POLD3: variants seen among roughly 807,000 people sequenced by gnomAD.
POLD3 encodes DNA polymerase delta subunit 3.
In POLD3, 19 loss-of-function variants were observed where a neutral mutation model predicts 58.2. That is an observed-to-expected ratio of 0.33 (90% CI 0.23 to 0.48). POLD3 has a LOEUF of 0.48. Ranked by LOEUF, POLD3 falls within the 20% of genes least tolerant of loss-of-function variation. The pLI, the probability that POLD3 is intolerant of heterozygous loss-of-function variation, is 0.99. For synonymous variants in POLD3, 172 were observed against 193.5 expected, an observed-to-expected ratio of 0.89 and a Z score of 0.92; for missense variants, 504 against 545.5, an observed-to-expected ratio of 0.92 and a Z score of 0.76.
At chr11:74,636,100 A>G in intron 10 of POLD3, 97 bp from the exon 11 acceptor site, 3 of 1,087,372 alleles carry the variant, frequency 2.8e-6, no homozygotes, top group African/African-American at 1.6e-5. Flanking sequence ...ATCATAATGG[A>G]GTATTGGAGA....
At chr11:74,656,637 A>G (rs1364810029) in intron 4 of POLD3, among the ~76,000 whole-genome samples, 3 of 152,004 alleles carry the variant, frequency 2.0e-5, no homozygotes, top group Non-Finnish European at 4.4e-5. Flanking sequence ...ATTCAGGAGC[A>G]TGTAGTTTAA....
rs562967618 is a variant in POLD3 at position 74,666,902 on chromosome 11, C to T, written c.370-1875C>T. Among the ~76,000 whole-genome samples, 34 of 145,242 alleles carry T rather than the reference C, an allele frequency of 2.3e-4. No homozygotes were observed. The South Asian group carries it at 7.2e-3, about 31-fold the overall frequency. On this transcript the variant is annotated intron_variant, in intron 4 of 4. Coordinates refer to the POLD3 transcript ENST00000524752. ...ACAATAGGTATCTAGATCAGTGAAACAATTGATAGTCCAGAATTAAAACTT... is the reference window on the plus strand; with the variant it reads ...ACAATAGGTATCTAGATCAGTGAAATAATTGATAGTCCAGAATTAAAACTT...
chr11:74,665,391 ATTT>A lies in POLD3; in HGVS notation c.370-3365_370-3363del, dbSNP rs1202426924. The stretch of plus-strand genomic sequence containing the variant: ...TGACAAAATCTAGCACCCTTTTATA[ATTT>A]TTTTTTTTTTTTTTTTTTTTGAGAC... On this transcript the variant is annotated intron_variant, in intron 4 of 4. Transcript: ENST00000524752. Among the ~76,000 whole-genome samples, 87 of 83,316 alleles carry A rather than the reference ATTT, an allele frequency of 1.0e-3. 1 individual carries two copies. The highest frequency in any genetic ancestry group is 3.7e-3 in the African/African-American group (74 of 19,964). The allele number at this position is 83,316 out of a possible 152,430, so 54.7% of individuals were successfully genotyped here.
chr11:74,626,306 C>G (rs763297533), intron 8 of POLD3, among the ~76,000 whole-genome samples: 5 of 152,198 alleles, frequency 3.3e-5, no homozygotes, highest in Non-Finnish European at 5.9e-5. Flanking sequence ...GGGTACGTCA[C>G]TCACTGTTGA....
intron 4 of POLD3, among the ~76,000 whole-genome samples, chr11:74,654,197 A>G (rs940013393): frequency 2.0e-5 from 3 of 152,220 alleles, no homozygotes; most frequent in African/African-American, 7.2e-5. Flanking sequence ...CATGCTGTTT[A>G]CAGGAAAGCA....
At position 74,634,572 on chromosome 11, in the gene POLD3, C is replaced by G. The variant is rs1400473459; in HGVS notation, c.1007-11C>G. ...GTAGTTCTCTGATCTAAGTCCGTTT[C>G]ATTATTTCAGTCTTTCCAGACTCTC... On this transcript the variant is annotated splice_polypyrimidine_tract_variant and intron_variant, in intron 9 of 11. Coordinates refer to ENST00000263681, the MANE Select transcript of POLD3 (RefSeq NM_006591.3). The G allele has an allele frequency of 2.8e-6, 4 of 1,448,340 alleles. No homozygotes were observed. Among genetic ancestry groups the G allele is most frequent in the Middle Eastern group, 1.7e-4 (1 of 5,730 alleles). The allele number at this position is 1,448,340 out of a possible 1,614,324, so 89.7% of individuals were successfully genotyped here. A position where few individuals can be genotyped will look rare whatever the true frequency, so the allele number is the denominator to read the frequency against.
intron 7 of POLD3, among the ~76,000 whole-genome samples, chr11:74,621,284 T>A (rs987472142): frequency 1.3e-5 from 2 of 152,106 alleles, no homozygotes; most frequent in Non-Finnish European, 1.5e-5. Context: ...TAGATTCTTA[T>A]AGGATTGTGA....
chr11:74,638,049 G>A (rs547298200), intron 11 of POLD3, among the ~76,000 whole-genome samples: 1 of 152,220 alleles, frequency 6.6e-6, no homozygotes, highest in South Asian at 2.1e-4. Flanking sequence ...TAAGTTTGGA[G>A]TAGACTTCTG....
Position 74,653,333 on chromosome 11 carries a change from A to ACAGACACACACACACACG in POLD3, c.370-15444_370-15443insCAGACACACACACACACG, listed in dbSNP as rs58331480. On this transcript the variant is annotated intron_variant, in intron 4 of 4. Transcript: ENST00000524752. ...ATACCTAAGAGAGATACACACACAC[A>ACAGACACACACACACACG]TAGTGTGGTCCATAACATAAGTAGA... Among the ~76,000 whole-genome samples, 75 of 151,812 alleles carry ACAGACACACACACACACG rather than the reference A, an allele frequency of 4.9e-4. 1 individual carries two copies. The highest frequency in any genetic ancestry group is 1.8e-3 in the African/African-American group (73 of 41,398).
intron 3 of POLD3, among the ~76,000 whole-genome samples, chr11:74,606,438 A>G (rs2031678736): frequency 6.6e-6 from 1 of 152,166 alleles, no homozygotes; most frequent in African/African-American, 2.4e-5. Flanking sequence ...GTCATATTCA[A>G]GCCTTTACTT....
chr11:74,592,672 T>A lies in POLD3; in HGVS notation c.14T>A (p.Leu5His). The A allele has an allele frequency of 1.2e-6, 2 of 1,613,716 alleles. No individual in the cohort carries two copies. The highest frequency in any genetic ancestry group is 1.1e-5 in the South Asian group (1 of 91,030). MADQLYLENIDEFVT... is the reference protein window; with the variant it reads MADQHYLENIDEFVT... ...CGCTGCCGCACCATGGCGGACCAGCTTTATCTGGAAAATATAGACGAGTTC... is the reference window on the plus strand; with the variant it reads ...CGCTGCCGCACCATGGCGGACCAGCATTATCTGGAAAATATAGACGAGTTC... The change falls in exon 1 of 12, where the codon CTT becomes CAT. Residue 5 changes from leucine to histidine, a missense_variant. By Grantham distance (99) the Leu-to-His change is moderately conservative. Around this residue, in one of 2 missense-constraint regions of POLD3, gnomAD observed 119 missense variants for 175.0 expected, o/e 0.68. Coordinates refer to ENST00000263681, the MANE Select transcript of POLD3 (RefSeq NM_006591.3).
chr11:74,665,663 G>A (rs914802799), intron 4 of POLD3, among the ~76,000 whole-genome samples: 1 of 151,992 alleles, frequency 6.6e-6, no homozygotes, highest in Non-Finnish European at 1.5e-5. Context: ...GCCTCTCAAA[G>A]CACTGGGATT....
At chr11:74,628,906 T>C (rs1219663171) in intron 8 of POLD3, 1 of 206,302 alleles carries the variant, frequency 4.8e-6, no homozygotes, top group African/African-American at 2.3e-5. Context: ...TATTTAATGC[T>C]TGTTGGATAA....
chr11:74,601,244 G>A (rs2031485241), intron 2 of POLD3, among the ~76,000 whole-genome samples: 1 of 152,134 alleles, frequency 6.6e-6, no homozygotes, highest in Non-Finnish European at 1.5e-5. Flanking sequence ...GTCCAAACTA[G>A]CATCAATAAA....
chr11:74,633,418 C>T (rs1216021380), intron 9 of POLD3, among the ~76,000 whole-genome samples: 1 of 152,136 alleles, frequency 6.6e-6, no homozygotes, highest in East Asian at 1.9e-4. Flanking sequence ...ATTTATTGTT[C>T]TTTCTGGCTC....
intron 3 of POLD3, 127 bp downstream of exon 3, chr11:74,604,921 GTGA>G: frequency 1.7e-6 from 1 of 579,252 alleles, no homozygotes; most frequent in South Asian, 2.4e-5. Flanking sequence ...CTACTTGATG[GTGA>G]TGATTATTTT....
Position 74,604,169 on chromosome 11 carries a change from T to C in POLD3, c.117-523T>C, listed in dbSNP as rs540524138. Among the ~76,000 whole-genome samples, 4 of 152,306 alleles carry C rather than the reference T, an allele frequency of 2.6e-5. No individual in the cohort carries two copies. The East Asian group carries it at 5.8e-4, about 22-fold the overall frequency. On this transcript the variant is annotated intron_variant, in intron 2 of 11. Transcript: ENST00000263681. ...GGAGTAATTCACTCTTCAGAATCCA[T>C]TGAAAACCCTCACACATCTCCCAAA...
intron 2 of POLD3, among the ~76,000 whole-genome samples, chr11:74,599,236 T>A (rs2031391851): frequency 6.6e-6 from 1 of 152,158 alleles, no homozygotes; most frequent in African/African-American, 2.4e-5. Flanking sequence ...CTTGCTGTGT[T>A]GACCAGGCTG....
rs1267760915 is a variant in POLD3 at position 74,627,402 on chromosome 11, A to C, written c.900-1815A>C. Among the ~76,000 whole-genome samples, 9 of 152,320 alleles carry C rather than the reference A, an allele frequency of 5.9e-5. No individual in the cohort carries two copies. The East Asian group carries it at 1.7e-3, about 29-fold the overall frequency. On this transcript the variant is annotated intron_variant, in intron 8 of 11. Transcript: ENST00000263681. ...TTTGTGTTTTAAGCTGTGTTATTAC[A>C]AAAGAGCCAAAAAGTTATAAAATTG...
Sources: gnomAD v4.1 joint callset for allele counts (sites outside exome capture counted in the v4.1 genomes callset) on GRCh38, gnomAD v4.1.1 for gene constraint, gnomAD v4.1.1 regional missense constraint, MANE v1.5 for transcripts, NCBI Gene and HGNC (gene_info 2026-07-23, HGNC 2026-07-21) for gene names.